SLC44A5: variants seen among roughly 807,000 people sequenced by gnomAD.
SLC44A5 encodes the protein choline transporter-like protein 5.
Under a neutral mutation model 101.8 loss-of-function variants are expected in SLC44A5, and 57 were observed. The ratio of observed to expected loss-of-function variants is 0.56; its 90% CI spans 0.45 to 0.70. SLC44A5 has a LOEUF of 0.70. Ranked by LOEUF, SLC44A5 falls within the 30% of genes least tolerant of loss-of-function variation. The pLI, the probability that SLC44A5 is intolerant of heterozygous loss-of-function variation, is 0.00. For missense variants in SLC44A5, 737 were observed against 853.1 expected, an observed-to-expected ratio of 0.86 and a Z score of 1.70; for synonymous variants, 281 against 290.9, an observed-to-expected ratio of 0.97 and a Z score of 0.35.
At chr1:75,430,273 G>A (rs987175901) in intron 2 of SLC44A5, among the ~76,000 whole-genome samples, 1 of 151,994 alleles carries the variant, frequency 6.6e-6, no homozygotes, top group African/African-American at 2.4e-5. Flanking sequence ...CTCCCCTCTG[G>A]AAGATGTAGC....
intron 4 of SLC44A5, among the ~76,000 whole-genome samples, chr1:75,314,100 A>T (rs1570649818): frequency 1.3e-5 from 2 of 152,192 alleles, no homozygotes; most frequent in Admixed American, 6.5e-5. Context: ...TAATCCTAAC[A>T]GTCAGATACA....
intron 2 of SLC44A5, among the ~76,000 whole-genome samples, chr1:75,420,781 T>TA (rs1337766121): frequency 2.0e-5 from 3 of 152,024 alleles, no homozygotes; most frequent in Non-Finnish European, 2.9e-5. Context: ...GACTGGTTTA[T>TA]AAAAAAAATT....
the SLC44A5 span, among the ~76,000 whole-genome samples, chr1:75,679,603 C>T: frequency 2.0e-5 from 3 of 151,782 alleles, no homozygotes; most frequent in African/African-American, 7.3e-5. Flanking sequence ...AAAAGAGCTC[C>T]TGAAGGAAGC....
rs137889708 is a variant in SLC44A5 at position 75,211,194 on chromosome 1, T to C, written c.2047+274A>G. ...ATTTTACTGACCCCTCAATCTCTGG[T>C]CATCACCCCTCTACTCTGTTTCTAT... On this transcript the variant is annotated intron_variant, in intron 23 of 23. Coordinates refer to ENST00000370859, the MANE Select transcript of SLC44A5 (RefSeq NM_001130058.2). Among the ~76,000 whole-genome samples the C allele has an allele frequency of 6.2e-3, 948 of 152,342 alleles. 15 individuals are homozygous for C. The highest frequency in any genetic ancestry group is 0.022 in the African/African-American group (895 of 41,586).
In SLC44A5 at chr1:75,569,330, T is replaced by C. The variant is rs558035333; in HGVS notation, c.-69-27814A>G. Among the ~76,000 whole-genome samples the C allele has an allele frequency of 2.1e-4, 31 of 145,018 alleles. 1 individual carries two copies. Among genetic ancestry groups the C allele is most frequent in the African/African-American group, 7.6e-4 (30 of 39,576 alleles). On this transcript the variant is annotated intron_variant, in intron 1 of 23. Coordinates refer to ENST00000370859, the MANE Select transcript of SLC44A5 (RefSeq NM_001130058.2). ...ATCATGGCTCACTGCAGCTTCTACC[T>C]CCCAGGCTCAGGTGATCCTCCCACC...
chr1:75,235,567 C>T (rs879828185), intron 11 of SLC44A5, among the ~76,000 whole-genome samples: 1 of 151,928 alleles, frequency 6.6e-6, no homozygotes, highest in Non-Finnish European at 1.5e-5. Context: ...GGAGATAAAT[C>T]CTAACATACT....
chr1:75,481,500 A>C (rs1156627905), intron 2 of SLC44A5, among the ~76,000 whole-genome samples: 2 of 152,090 alleles, frequency 1.3e-5, no homozygotes, highest in Non-Finnish European at 2.9e-5. Flanking sequence ...TTCACAACCT[A>C]CTCATCTGAC....
chr1:75,221,500 A>C (rs1647079966), intron 14 of SLC44A5, among the ~76,000 whole-genome samples: 1 of 152,166 alleles, frequency 6.6e-6, no homozygotes, highest in African/African-American at 2.4e-5. Flanking sequence ...CTTGGTATAA[A>C]GTGTTCCTAA....
At chr1:75,368,999 C>T (rs1471880718) in intron 3 of SLC44A5, among the ~76,000 whole-genome samples, 1 of 140,216 alleles carries the variant, frequency 7.1e-6, no homozygotes, top group Non-Finnish European at 1.5e-5. Flanking sequence ...AAAAGTGATT[C>T]GTTCTCTCTT....
intron 4 of SLC44A5, chr1:75,311,661 A>G (rs1655310958): frequency 1.6e-6 from 1 of 614,392 alleles, no homozygotes; most frequent in Non-Finnish European, 2.0e-6. Context: ...ACGTTGGTGA[A>G]CCACACAGAT....
chr1:75,398,293 C>T (rs1662256865), intron 2 of SLC44A5: 3 of 655,788 alleles, frequency 4.6e-6, no homozygotes, highest in Non-Finnish European at 5.7e-6. Context: ...TCAGCCTCTG[C>T]CTCCAGCCCT....
chr1:75,614,108 T>C (rs1369526445), upstream of SLC44A5, among the ~76,000 whole-genome samples: 1 of 152,250 alleles, frequency 6.6e-6, no homozygotes, highest in African/African-American at 2.4e-5. Context: ...CCAATCCTTC[T>C]GTTTCACTCA....
At chr1:75,633,597 C>T in the SLC44A5 span, among the ~76,000 whole-genome samples, 410 of 152,008 alleles carry the variant, frequency 2.7e-3, 1 homozygote, top group African/African-American at 9.2e-3. Flanking sequence ...CTGAAGTTGC[C>T]TATCAGCTTA....
At chr1:75,492,762 T>G (rs1320788071) in intron 2 of SLC44A5, among the ~76,000 whole-genome samples, 1 of 152,190 alleles carries the variant, frequency 6.6e-6, no homozygotes, top group East Asian at 1.9e-4. Flanking sequence ...TTATGATTAT[T>G]GCTTTTATTT....
At chr1:75,284,200 GT>G (rs1406494996) in intron 5 of SLC44A5, among the ~76,000 whole-genome samples, 1 of 152,028 alleles carries the variant, frequency 6.6e-6, no homozygotes, top group Admixed American at 6.6e-5. Context: ...AGTTTTCTGT[GT>G]AGCGATGTGT....
At chr1:75,564,595 T>TTTAAAA in intron 1 of SLC44A5, among the ~76,000 whole-genome samples, 3 of 16,938 alleles carry the variant, frequency 1.8e-4, no homozygotes, top group African/African-American at 5.9e-4. Context: ...ATTTACTTTT[T>TTTAAAA]TTTTAATTTT....
intron 5 of SLC44A5, among the ~76,000 whole-genome samples, chr1:75,298,005 C>T (rs557811113): frequency 2.0e-5 from 3 of 152,336 alleles, no homozygotes; most frequent in South Asian, 2.1e-4. Flanking sequence ...CATGGAAACA[C>T]TTCTTTATGA....
intron 3 of SLC44A5, among the ~76,000 whole-genome samples, chr1:75,353,692 A>G (rs535188519): frequency 2.6e-5 from 4 of 152,336 alleles, no homozygotes; most frequent in South Asian, 2.1e-4. Context: ...AAACTGACTT[A>G]AGAAGTGTTC....
At chr1:75,255,249 TAAAA>T (rs1263570130) in intron 6 of SLC44A5, among the ~76,000 whole-genome samples, 1 of 151,742 alleles carries the variant, frequency 6.6e-6, no homozygotes, top group African/African-American at 2.4e-5. Flanking sequence ...AATCAAAACA[TAAAA>T]GAGAAAAACT....
Sources: allele counts gnomAD v4.1 joint callset (sites outside exome capture counted in the v4.1 genomes callset), GRCh38; gene constraint gnomAD v4.1.1; transcripts MANE v1.5; gene names NCBI Gene and HGNC (gene_info 2026-07-23, HGNC 2026-07-21).